Variants in CFAP144 observed in about 807,000 individuals in gnomAD.
CFAP144 encodes the protein cilia- and flagella-associated protein 144.
the CFAP144 span, among the ~76,000 whole-genome samples, chr1:43,153,398 T>C: frequency 2.0e-5 from 3 of 151,946 alleles, no homozygotes; most frequent in Non-Finnish European, 4.4e-5. Context: ...TCACCTGAGG[T>C]CAAGAGTTTG....
the CFAP144 span, among the ~76,000 whole-genome samples, chr1:43,152,450 C>G: frequency 1.3e-5 from 2 of 152,146 alleles, no homozygotes; most frequent in Admixed American, 6.5e-5. Flanking sequence ...AGCAGCTGCC[C>G]TTGCCTGCAC....
At chr1:43,145,772 G>T in the CFAP144 span, among the ~76,000 whole-genome samples, 42 of 152,138 alleles carry the variant, frequency 2.8e-4, no homozygotes, top group Non-Finnish European at 5.9e-4. Context: ...ACATACAAAG[G>T]GCCAAGAAGC....
At chr1:43,147,746 G>A in the CFAP144 span, 35 of 1,427,520 alleles carry the variant, frequency 2.5e-5, 1 homozygote, top group South Asian at 4.7e-4. Context: ...GGCGGGGCGC[G>A]AAATAAGATC....
At chr1:43,144,836 C>T in the CFAP144 span, among the ~76,000 whole-genome samples, 2 of 152,154 alleles carry the variant, frequency 1.3e-5, no homozygotes, top group African/African-American at 2.4e-5. Flanking sequence ...CCAATCGAGC[C>T]ACCCCCAACC....
At chr1:43,152,923 G>C in the CFAP144 span, 8 of 1,612,516 alleles carry the variant, frequency 5.0e-6, no homozygotes, top group South Asian at 8.8e-5. Context: ...ATGGGACTTA[G>C]AGCCCTTGGT....
chr1:43,150,149 A>G, the CFAP144 span, among the ~76,000 whole-genome samples: 11 of 152,268 alleles, frequency 7.2e-5, no homozygotes, highest in African/African-American at 2.2e-4. Flanking sequence ...TCACACTTAC[A>G]TTTGCCGGGT....
At chr1:43,144,667 C>G in the CFAP144 span, among the ~76,000 whole-genome samples, 1 of 152,160 alleles carries the variant, frequency 6.6e-6, no homozygotes, top group East Asian at 1.9e-4. Flanking sequence ...GCCCACTACC[C>G]TACTGTAAGG....
the CFAP144 span, chr1:43,156,245 AG>A: frequency 1.9e-6 from 3 of 1,614,008 alleles, no homozygotes; most frequent in Admixed American, 5.0e-5. Context: ...GAATCACTTC[AG>A]GGTCTGCAGT....
At chr1:43,148,826 T>C in the CFAP144 span, among the ~76,000 whole-genome samples, 10 of 152,080 alleles carry the variant, frequency 6.6e-5, no homozygotes, top group African/African-American at 2.4e-4. Flanking sequence ...AAGGTCTCTC[T>C]CCCTCCACAC....
At chr1:43,152,566 AG>A in the CFAP144 span, among the ~76,000 whole-genome samples, 2 of 152,166 alleles carry the variant, frequency 1.3e-5, no homozygotes, top group Non-Finnish European at 2.9e-5. Context: ...CTAGAGTATG[AG>A]CTCTAGGAGA....
chr1:43,145,716 A>G, the CFAP144 span, among the ~76,000 whole-genome samples: 9 of 152,210 alleles, frequency 5.9e-5, no homozygotes, highest in Non-Finnish European at 1.2e-4. Flanking sequence ...AAAAATCCCA[A>G]AAGATATTTT....
the CFAP144 span, among the ~76,000 whole-genome samples, chr1:43,144,455 A>G: frequency 1.3e-5 from 2 of 152,180 alleles, 1 homozygote; most frequent in South Asian, 4.1e-4. Flanking sequence ...CTCCCATTTG[A>G]AAGAATGACA....
the CFAP144 span, chr1:43,147,846 G>T: frequency 1.2e-5 from 19 of 1,546,206 alleles, no homozygotes; most frequent in South Asian, 2.0e-4. Flanking sequence ...CTACCCGAGC[G>T]CTGTTGCCTG....
chr1:43,151,645 T>C, the CFAP144 span, among the ~76,000 whole-genome samples: 1 of 152,114 alleles, frequency 6.6e-6, no homozygotes. Flanking sequence ...AGGGCCCTAT[T>C]TGGGAGTGAG....
the CFAP144 span, among the ~76,000 whole-genome samples, chr1:43,143,316 A>AGGAGAAGCAAGGAACTGTCCGT: frequency 6.6e-6 from 1 of 152,220 alleles, no homozygotes; most frequent in East Asian, 1.9e-4. Flanking sequence ...ATTTAAAGCC[A>AGGAGAAGCAAGGAACTGTCCGT]GGAGAAGCAA....
chr1:43,149,685 C>T, the CFAP144 span, among the ~76,000 whole-genome samples: 6 of 152,174 alleles, frequency 3.9e-5, no homozygotes, highest in Admixed American at 3.3e-4. Context: ...TGCCTCCCAG[C>T]TCATGTCCCT....
chr1:43,153,586 G>GT, the CFAP144 span, among the ~76,000 whole-genome samples: 1 of 151,806 alleles, frequency 6.6e-6, no homozygotes, highest in Non-Finnish European at 1.5e-5. Context: ...TCCAGCTTGG[G>GT]TGACAGAGTG....
chr1:43,156,266 C>T, the CFAP144 span: 6 of 1,613,380 alleles, frequency 3.7e-6, no homozygotes, highest in East Asian at 1.3e-4. Flanking sequence ...TGACATCACT[C>T]TGTACAAGGC....
the CFAP144 span, among the ~76,000 whole-genome samples, chr1:43,147,264 G>A: frequency 6.6e-6 from 1 of 152,236 alleles, no homozygotes; most frequent in Non-Finnish European, 1.5e-5. Context: ...TTTAATGGGT[G>A]TGAAAAAGTT....
Sources: allele counts gnomAD v4.1 joint callset (sites outside exome capture counted in the v4.1 genomes callset), GRCh38; gene constraint gnomAD v4.1.1; transcripts MANE v1.5; gene names NCBI Gene and HGNC (gene_info 2026-07-23, HGNC 2026-07-21).